The following HS3ST5 variants were observed in gnomAD, a reference collection of about 807,000 sequenced individuals.
HS3ST5 encodes the protein heparan sulfate-glucosamine 3-sulfotransferase 5.
A neutral mutation model predicts 25.4 loss-of-function variants in HS3ST5; 10 were observed. The observed-to-expected ratio is 0.39, with a 90% CI of 0.24 to 0.67. The LOEUF is 0.67. Ranked by LOEUF, HS3ST5 falls within the 30% of genes least tolerant of loss-of-function variation. The pLI, the probability that HS3ST5 is intolerant of heterozygous loss-of-function variation, is 0.44. For synonymous variants in HS3ST5, 170 were observed against 162.4 expected (o/e 1.05, Z -0.36); for missense variants, 324 against 420.7 (o/e 0.77, Z 2.01).
At chr6:114,238,204 C>T (rs1346452325) in intron 1 of HS3ST5, among the ~76,000 whole-genome samples, 1 of 152,178 alleles carries the variant, frequency 6.6e-6, no homozygotes, top group East Asian at 1.9e-4. Context: ...AAATGTAGAC[C>T]TATGTCTATC....
chr6:114,138,720 A>G (rs746189268), intron 3 of HS3ST5, among the ~76,000 whole-genome samples: 1 of 152,258 alleles, frequency 6.6e-6, no homozygotes, highest in East Asian at 1.9e-4. Context: ...AATGGAATAC[A>G]TGAATGTGAA....
intron 2 of HS3ST5, among the ~76,000 whole-genome samples, chr6:114,170,766 C>T (rs1779441886): frequency 6.6e-6 from 1 of 152,022 alleles, no homozygotes; most frequent in South Asian, 2.1e-4. Context: ...TCTCAAGTTA[C>T]CAATTCCACT....
chr6:114,097,698 G>A (rs72952520), intron 3 of HS3ST5, among the ~76,000 whole-genome samples: 22,466 of 81,650 alleles, frequency 0.28, 1,790 homozygotes, highest in Non-Finnish European at 0.33. Flanking sequence ...GAAGATTTAG[G>A]GAATGAGAAA....
intron 1 of HS3ST5, among the ~76,000 whole-genome samples, chr6:114,339,068 A>T (rs1174661078): frequency 6.6e-6 from 1 of 152,138 alleles, no homozygotes; most frequent in East Asian, 1.9e-4. Context: ...ACCAAATAAT[A>T]AGTCTTCACT....
chr6:114,313,920 C>G (rs1332249461), intron 1 of HS3ST5, among the ~76,000 whole-genome samples: 4 of 99,044 alleles, frequency 4.0e-5, no homozygotes, highest in African/African-American at 7.3e-5. Context: ...GGATCTAACC[C>G]CCATTTTGTT....
intron 1 of HS3ST5, among the ~76,000 whole-genome samples, chr6:114,253,171 G>C (rs1388420486): frequency 2.0e-5 from 3 of 152,090 alleles, no homozygotes; most frequent in Non-Finnish European, 4.4e-5. Context: ...CCTTAGCTTA[G>C]GCAAGACAAT....
At chr6:114,246,956 T>G (rs9387199) in intron 1 of HS3ST5, among the ~76,000 whole-genome samples, 6,965 of 152,314 alleles carry the variant, frequency 0.046, 176 homozygotes, top group Middle Eastern at 0.075. Context: ...ACTCCTGGTT[T>G]CATTTATTAC....
intron 1 of HS3ST5, among the ~76,000 whole-genome samples, chr6:114,319,650 C>T: frequency 6.6e-6 from 1 of 151,926 alleles, no homozygotes; most frequent in Non-Finnish European, 1.5e-5. Context: ...TTTTGGAAAC[C>T]ATTTCATATT....
At chr6:114,233,284 T>A (rs1425911125) in intron 1 of HS3ST5, among the ~76,000 whole-genome samples, 3 of 152,176 alleles carry the variant, frequency 2.0e-5, no homozygotes, top group Non-Finnish European at 2.9e-5. Flanking sequence ...TACCCTATAA[T>A]AGAATGCCAT....
At chr6:114,122,527 A>G (rs1416757542) in intron 3 of HS3ST5, among the ~76,000 whole-genome samples, 1 of 152,208 alleles carries the variant, frequency 6.6e-6, no homozygotes, top group East Asian at 1.9e-4. Context: ...GGTAGATTAC[A>G]TTTAGTTTGG....
chr6:114,062,903 C>A (rs1344599709), intron 3 of HS3ST5, 26 bp from the exon 4 acceptor site: 2 of 1,375,438 alleles, frequency 1.5e-6, no homozygotes, highest in African/African-American at 1.4e-5. Flanking sequence ...TCATCAGCAG[C>A]CATCTCTTAG....
intron 3 of HS3ST5, among the ~76,000 whole-genome samples, chr6:114,151,252 A>G (rs1778439706): frequency 6.6e-6 from 1 of 152,196 alleles, no homozygotes. Flanking sequence ...CTTTTTTATA[A>G]TGGGGTTCTA....
chr6:114,172,292 C>T (rs1183715126), intron 2 of HS3ST5, among the ~76,000 whole-genome samples: 1 of 152,216 alleles, frequency 6.6e-6, no homozygotes, highest in Admixed American at 6.5e-5. Flanking sequence ...TGAACGATAT[C>T]CCCGCTCAAG....
chr6:114,208,894 T>A (rs937518076), intron 2 of HS3ST5, among the ~76,000 whole-genome samples: 2 of 152,188 alleles, frequency 1.3e-5, no homozygotes, highest in African/African-American at 4.8e-5. Context: ...TCTTGGGTTA[T>A]GTGTTTATTC....
chr6:114,127,905 T>C (rs1777131521), intron 3 of HS3ST5, among the ~76,000 whole-genome samples: 1 of 150,518 alleles, frequency 6.6e-6, no homozygotes, highest in Admixed American at 6.6e-5. Flanking sequence ...GACATATGTA[T>C]AGAGAAACTT....
chr6:114,148,755 C>T (rs1215397897), intron 3 of HS3ST5, among the ~76,000 whole-genome samples: 2 of 152,250 alleles, frequency 1.3e-5, no homozygotes, highest in East Asian at 3.9e-4. Flanking sequence ...TCTAATTAAA[C>T]TAAAGAGCTT....
intron 3 of HS3ST5, among the ~76,000 whole-genome samples, chr6:114,099,822 G>A (rs1484760674): frequency 1.3e-5 from 2 of 152,038 alleles, no homozygotes; most frequent in African/African-American, 2.4e-5. Context: ...CCTTACCTAG[G>A]CAGCTGAAAT....
chr6:114,166,219 G>A (rs1779202633), intron 3 of HS3ST5, among the ~76,000 whole-genome samples: 1 of 151,966 alleles, frequency 6.6e-6, no homozygotes, highest in South Asian at 2.1e-4. Flanking sequence ...CTTCGGTGTT[G>A]GGCTGGGAGG....
intron 3 of HS3ST5, among the ~76,000 whole-genome samples, chr6:114,110,670 T>G (rs1776224324): frequency 6.6e-6 from 1 of 152,106 alleles, no homozygotes; most frequent in African/African-American, 2.4e-5. Flanking sequence ...ATTGAAAAGT[T>G]GAAAGAAGGG....
Sources: gnomAD v4.1 joint callset for allele counts (sites outside exome capture counted in the v4.1 genomes callset) on GRCh38, gnomAD v4.1.1 for gene constraint, MANE v1.5 for transcripts, NCBI Gene and HGNC (gene_info 2026-07-23, HGNC 2026-07-21) for gene names.